The following CAMTA1 variants were observed in gnomAD, a reference collection of about 807,000 sequenced individuals.
The protein encoded by CAMTA1 is calmodulin binding transcription activator 1, also known as calmodulin-binding transcription activator 1.
A neutral mutation model predicts 170.9 loss-of-function variants in CAMTA1; 27 were observed. The observed-to-expected ratio is 0.16, with a 90% confidence interval of 0.12 to 0.22. The LOEUF (loss-of-function observed/expected upper bound fraction) is 0.22, where lower values mean the gene tolerates loss of function less well. CAMTA1 is among the 10% of genes least tolerant of loss of function. CAMTA1 has a pLI of 1.00. For synonymous variants in CAMTA1, 833 were observed against 891.5 expected (o/e 0.93, Z 1.17); for missense variants, 1,619 against 2,217.2 (o/e 0.73, Z 5.42).
intron 1 of CAMTA1, among the ~76,000 whole-genome samples, chr1:6,790,933 G>C (rs374493398): frequency 3.3e-4 from 50 of 152,078 alleles, no homozygotes; most frequent in African/African-American, 1.2e-3. Flanking sequence ...AACCAATTCT[G>C]CTACTATTTC....
chr1:6,913,036 G>A (rs1488246252), intron 3 of CAMTA1, among the ~76,000 whole-genome samples: 1 of 152,210 alleles, frequency 6.6e-6, no homozygotes, highest in Non-Finnish European at 1.5e-5. Context: ...GCTGCCATCA[G>A]CATGCCGTGA....
chr1:6,996,873 A>G (rs1381188148), intron 3 of CAMTA1, among the ~76,000 whole-genome samples: 1 of 152,142 alleles, frequency 6.6e-6, no homozygotes, highest in African/African-American at 2.4e-5. Flanking sequence ...AACAAGAGCT[A>G]CTTCTCCATG....
intron 5 of CAMTA1, among the ~76,000 whole-genome samples, chr1:7,330,260 GTC>G (rs2082943495): frequency 1.3e-5 from 2 of 152,160 alleles, no homozygotes; most frequent in Middle Eastern, 3.2e-3. Context: ...ATAACAGAGG[GTC>G]CAAGACACCA....
intron 3 of CAMTA1, among the ~76,000 whole-genome samples, chr1:6,927,298 G>C (rs531092219): frequency 1.3e-5 from 2 of 152,050 alleles, no homozygotes; most frequent in African/African-American, 4.8e-5. Context: ...CTCCCAACGC[G>C]CTGAGACTGC....
At chr1:7,630,908 C>T in intron 6 of CAMTA1, among the ~76,000 whole-genome samples, 1 of 152,234 alleles carries the variant, frequency 6.6e-6, no homozygotes. Flanking sequence ...CAGTTGACTA[C>T]TGACCCTGCC....
chr1:7,467,622 G>A (rs1030760519), intron 5 of CAMTA1, among the ~76,000 whole-genome samples: 2 of 152,184 alleles, frequency 1.3e-5, no homozygotes, highest in African/African-American at 4.8e-5. Context: ...CATCGAGTCT[G>A]CCGGCTGGTG....
intron 3 of CAMTA1, among the ~76,000 whole-genome samples, chr1:6,847,250 G>A (rs1257421576): frequency 6.6e-6 from 1 of 151,872 alleles, no homozygotes; most frequent in Non-Finnish European, 1.5e-5. Flanking sequence ...AGTGAAGGAT[G>A]GATTTTTTTT....
At chr1:6,831,937 A>C (rs1027403966) in intron 3 of CAMTA1, among the ~76,000 whole-genome samples, 3 of 152,176 alleles carry the variant, frequency 2.0e-5, no homozygotes, top group African/African-American at 7.2e-5. Flanking sequence ...AATGCTTTTT[A>C]TAGGAGGAAA....
rs576250792 is a variant in CAMTA1 at position 7,562,386 on chromosome 1, G to A, written c.511-78014G>A. On this transcript the variant is annotated intron_variant, in intron 6 of 22. Transcript: ENST00000303635. This position sits in a 1 kb window ranked among gnomAD's most constrained non-coding sequence, Gnocchi z 4.8. ...TTGGGTATCAGGGCTGGTGGCAGCA[G>A]CAGGGCAGGCCGCGGCAGCTCAGCT... is the stretch of plus-strand genomic sequence containing the variant. Among the ~76,000 whole-genome samples the A allele has an allele frequency of 2.0e-5, 3 of 152,204 alleles. No individual in the cohort carries two copies. Among genetic ancestry groups the A allele is most frequent in the Non-Finnish European group, 4.4e-5 (3 of 68,034 alleles).
At chr1:7,416,486 T>C (rs6679657) in intron 5 of CAMTA1, among the ~76,000 whole-genome samples, 143,742 of 152,164 alleles carry the variant, frequency 0.94, 67,990 homozygotes, top group East Asian at 1. Context: ...TCTAAACTTC[T>C]CTTCTCGCTT....
chr1:6,995,163 T>C (rs1020123946), intron 3 of CAMTA1, among the ~76,000 whole-genome samples: 2 of 151,974 alleles, frequency 1.3e-5, no homozygotes, highest in Non-Finnish European at 2.9e-5. Flanking sequence ...TTCAAACTCT[T>C]TTTTTTTCCA....
At chr1:7,583,919 G>A (rs1171131871) in intron 6 of CAMTA1, among the ~76,000 whole-genome samples, 2 of 152,116 alleles carry the variant, frequency 1.3e-5, no homozygotes, top group Non-Finnish European at 2.9e-5. Context: ...TCAGATCTGG[G>A]CTCTGGGAAG....
intron 6 of CAMTA1, among the ~76,000 whole-genome samples, chr1:7,479,518 T>A (rs987878436): frequency 4.6e-5 from 7 of 152,178 alleles, no homozygotes; most frequent in Admixed American, 4.6e-4. Flanking sequence ...ATGGGGAATA[T>A]TAACAGAGCT....
At chr1:7,334,132 G>A (rs180898798) in intron 5 of CAMTA1, among the ~76,000 whole-genome samples, 96 of 152,286 alleles carry the variant, frequency 6.3e-4, no homozygotes, top group Non-Finnish European at 1.1e-3. Flanking sequence ...AAATGAACAC[G>A]TGTAAGAAGA....
chr1:6,975,562 A>G (rs904475866), intron 3 of CAMTA1, among the ~76,000 whole-genome samples: 2 of 152,130 alleles, frequency 1.3e-5, no homozygotes, highest in African/African-American at 4.8e-5. Context: ...GCTGAATGCA[A>G]TGACAGTTGT....
intron 3 of CAMTA1, among the ~76,000 whole-genome samples, chr1:6,896,691 T>C (rs564521261): frequency 6.3e-4 from 96 of 152,216 alleles, no homozygotes; most frequent in Middle Eastern, 6.8e-3. Flanking sequence ...ATTAACTACT[T>C]CTGAGGAACC....
At chr1:7,052,197 C>A (rs1176120743) in intron 3 of CAMTA1, among the ~76,000 whole-genome samples, 1 of 152,170 alleles carries the variant, frequency 6.6e-6, no homozygotes, top group Non-Finnish European at 1.5e-5. Flanking sequence ...CACCCTTGGG[C>A]CCTGGGGCCA....
chr1:7,041,712 A>G lies in CAMTA1; in HGVS notation c.235-49592A>G, dbSNP rs1704495908. ...GGTTTGCTGACGTCTCCTCGTAGAT[A>G]AAGGAAAATTGAGACGATATTGATA... On this transcript the variant is annotated intron_variant, in intron 3 of 22. Coordinates refer to ENST00000303635, the MANE Select transcript of CAMTA1 (RefSeq NM_015215.4). This position sits in a 1 kb window ranked among gnomAD's most constrained non-coding sequence, Gnocchi z 5.1. Among the ~76,000 whole-genome samples the G allele has an allele frequency of 6.6e-6, 1 of 152,252 alleles. No homozygotes were observed. The highest frequency in any genetic ancestry group is 1.5e-5 in the Non-Finnish European group (1 of 68,038).
intron 22 of CAMTA1, among the ~76,000 whole-genome samples, chr1:7,755,900 G>A (rs1280292731): frequency 6.6e-6 from 1 of 152,184 alleles, no homozygotes; most frequent in Non-Finnish European, 1.5e-5. Flanking sequence ...AGAAGGGAGG[G>A]CCGTTCCAAA....
Sources: gnomAD v4.1 joint callset for allele counts (sites outside exome capture counted in the v4.1 genomes callset) on GRCh38, gnomAD v4.1.1 for gene constraint, Gnocchi (gnomAD v3.1) non-coding constraint, MANE v1.5 for transcripts, NCBI Gene and HGNC (gene_info 2026-07-23, HGNC 2026-07-21) for gene names.